The following ANO5 variants were observed in gnomAD, a reference collection of about 807,000 sequenced individuals.
ANO5 encodes the protein anoctamin-5.
ANO5 carries 109 observed loss-of-function variants against 121.0 expected under a neutral mutation model. The observed-to-expected ratio is 0.90, with a 90% CI of 0.77 to 1.06. The LOEUF is 1.06. Among genes scored for constraint, ANO5 ranks in the 50% least tolerant of loss-of-function variants. The pLI is 0.00. For missense variants in ANO5, 1,064 were observed against 1,078.5 expected (o/e 0.99, Z 0.19); for synonymous variants, 406 against 359.9 (o/e 1.13, Z -1.45).
chr11:22,238,505 A>T (rs2133658778), intron 8 of ANO5, among the ~76,000 whole-genome samples: 3 of 151,916 alleles, frequency 2.0e-5, no homozygotes, highest in Middle Eastern at 6.8e-3. Context: ...TTACTTTTTA[A>T]TCTTTCTTTA....
intron 9 of ANO5, among the ~76,000 whole-genome samples, chr11:22,249,681 G>A (rs1341684349): frequency 6.6e-6 from 1 of 152,092 alleles, no homozygotes; most frequent in Non-Finnish European, 1.5e-5. Context: ...TGCTAAAGTA[G>A]TCATGTTTAA....
At chr11:22,220,471 T>C (rs1236993523) in intron 4 of ANO5, among the ~76,000 whole-genome samples, 1 of 115,006 alleles carries the variant, frequency 8.7e-6, no homozygotes, top group African/African-American at 2.8e-5. Flanking sequence ...TATACTGAGA[T>C]AATTCATGCA....
intron 8 of ANO5, 97 bp from the exon 9 acceptor site, chr11:22,239,472 C>T: frequency 1.2e-6 from 1 of 840,206 alleles, no homozygotes; most frequent in East Asian, 2.5e-5. Flanking sequence ...AGAAAACATA[C>T]CCTTGTTTAC....
intron 2 of ANO5, among the ~76,000 whole-genome samples, chr11:22,208,744 A>G (rs964151058): frequency 1.3e-5 from 2 of 151,978 alleles, no homozygotes; most frequent in East Asian, 1.9e-4. Context: ...GAGACTGGGT[A>G]GGGGTTACAT....
Position 22,279,863 on chromosome 11 carries a change from T to A in ANO5, c.*98T>A. On this transcript the variant is annotated 3_prime_UTR_variant, in exon 22 of 22. Transcript: ENST00000324559. ...GAAGCCATGTGTCAATTTTACCCTTTCTTTTTTTTTTTTTTCTTTTTTTTT... is the reference window on the plus strand; with the variant it reads ...GAAGCCATGTGTCAATTTTACCCTTACTTTTTTTTTTTTTTCTTTTTTTTT... The A allele has an allele frequency of 1.2e-6, 1 of 817,338 alleles. No homozygotes were observed. The highest frequency in any genetic ancestry group is 1.7e-6 in the Non-Finnish European group (1 of 594,894). 50.6% of individuals were successfully genotyped at this position (817,338 alleles called of 1,614,324 possible).
At chr11:22,277,041 A>C (rs182497116) in intron 21 of ANO5, among the ~76,000 whole-genome samples, 1 of 151,566 alleles carries the variant, frequency 6.6e-6, no homozygotes, top group East Asian at 1.9e-4. Flanking sequence ...CCTAATATCC[A>C]AAGTAAACTT....
At chr11:22,236,891 C>T (rs1454050230) in intron 8 of ANO5, among the ~76,000 whole-genome samples, 1 of 152,124 alleles carries the variant, frequency 6.6e-6, no homozygotes, top group African/African-American at 2.4e-5. Context: ...AATCATTGTA[C>T]AAAAACATTG....
chr11:22,210,642 T>C (rs1007839021), intron 2 of ANO5, among the ~76,000 whole-genome samples: 1 of 151,946 alleles, frequency 6.6e-6, no homozygotes, highest in African/African-American at 2.4e-5. Context: ...GACCATCGTG[T>C]AACCTAAGGA....
At chr11:22,218,203 A>G in intron 3 of ANO5, 43 bp from the exon 4 acceptor site, 1 of 1,610,178 alleles carries the variant, frequency 6.2e-7, no homozygotes, top group Admixed American at 1.7e-5. Context: ...CTTTACTGTA[A>G]TTCTGGGCAG....
intron 3 of ANO5, among the ~76,000 whole-genome samples, chr11:22,211,523 GTATAAC>G (rs1852276622): frequency 6.6e-6 from 1 of 151,922 alleles, no homozygotes; most frequent in Admixed American, 6.6e-5. Flanking sequence ...GACGCACTGA[GTATAAC>G]ACTTTGCTTG....
chr11:22,250,064 CATG>C (rs1423564797), intron 9 of ANO5, among the ~76,000 whole-genome samples, 170 bp from the exon 10 acceptor site: 4 of 152,100 alleles, frequency 2.6e-5, no homozygotes, highest in Admixed American at 1.3e-4. Context: ...TGTGTTAAAA[CATG>C]ATAATGATAT....
At chr11:22,201,122 C>T (rs1329669191) in intron 1 of ANO5, among the ~76,000 whole-genome samples, 2 of 152,068 alleles carry the variant, frequency 1.3e-5, no homozygotes, top group African/African-American at 2.4e-5. Context: ...TTTGTTATAC[C>T]TCTTTGCACA....
intron 12 of ANO5, among the ~76,000 whole-genome samples, chr11:22,251,335 A>G (rs1338404079): frequency 2.0e-5 from 3 of 152,188 alleles, no homozygotes; most frequent in Admixed American, 6.6e-5. Flanking sequence ...CTAAACAAAT[A>G]TTTTGTGGCT....
chr11:22,269,989 G>A (rs1370980537), intron 17 of ANO5, among the ~76,000 whole-genome samples: 1 of 152,106 alleles, frequency 6.6e-6, no homozygotes, highest in Non-Finnish European at 1.5e-5. Flanking sequence ...ACAGCATCAG[G>A]ATTAGTAAGT....
chr11:22,269,087 CGGAAGGAAGCAA>C (rs1373090201), intron 17 of ANO5, among the ~76,000 whole-genome samples: 1 of 125,970 alleles, frequency 7.9e-6, no homozygotes, highest in Non-Finnish European at 1.6e-5. Flanking sequence ...GAAGGAAGGA[CGGAAGGAAGCAA>C]GGAAGGAAGG....
At chr11:22,243,685 AT>A (rs1395320011) in intron 9 of ANO5, among the ~76,000 whole-genome samples, 1 of 151,892 alleles carries the variant, frequency 6.6e-6, no homozygotes, top group Non-Finnish European at 1.5e-5. Context: ...CATTTCCTAG[AT>A]TTTCTAATTT....
chr11:22,245,281 C>T (rs1853579515), intron 9 of ANO5, among the ~76,000 whole-genome samples: 1 of 152,160 alleles, frequency 6.6e-6, no homozygotes, highest in Non-Finnish European at 1.5e-5. Context: ...AGAGATGACC[C>T]TCTCTCCTTG....
In ANO5 at chr11:22,227,420, C is replaced by T. The variant is rs886043523; in HGVS notation, c.482C>T (p.Pro161Leu). 1 of 1,613,558 alleles carries T rather than the reference C, an allele frequency of 6.2e-7. No individual in the cohort carries two copies. Among genetic ancestry groups the T allele is most frequent in the Non-Finnish European group, 8.5e-7 (1 of 1,179,774 alleles). The change falls in exon 7 of 22, where the codon CCT (proline) becomes CTT (leucine). Residue 161 changes from proline (P) to leucine (L), a missense_variant. Transcript: ENST00000324559. ...ATTAAGGAGAGTGATATTCCCCGCC[C>T]TAAGCACACTCCTATAAGCTATGTG... ...MPIKESDIPR[P>L]KHTPISYVLG...
chr11:22,212,020 A>G (rs1227982098), intron 3 of ANO5, among the ~76,000 whole-genome samples: 1 of 150,862 alleles, frequency 6.6e-6, no homozygotes, highest in African/African-American at 2.4e-5. Context: ...TACATAAAGC[A>G]TTTTACATGA....
Sources: gnomAD v4.1 joint callset for allele counts (sites outside exome capture counted in the v4.1 genomes callset) on GRCh38, gnomAD v4.1.1 for gene constraint, MANE v1.5 for transcripts, NCBI Gene and HGNC (gene_info 2026-07-23, HGNC 2026-07-21) for gene names.